Variants in CEP70 observed in about 807,000 individuals in gnomAD.
The protein encoded by CEP70 is centrosomal protein of 70 kDa.
In CEP70, 70 loss-of-function variants were observed where a neutral mutation model predicts 90.9. That is an observed-to-expected ratio of 0.77 (90% CI 0.64 to 0.94). CEP70 has a LOEUF of 0.94. Among genes scored for constraint, CEP70 ranks in the 40% least tolerant of loss-of-function variants. The probability of loss-of-function intolerance (pLI) is 0.00; values close to 1 mark genes in which losing one functional copy is unlikely to be tolerated. For synonymous variants in CEP70, 220 were observed against 228.3 expected (o/e 0.96, Z 0.33); for missense variants, 648 against 669.0 (o/e 0.97, Z 0.35).
chr3:138,587,346 A>G (rs2042153792), intron 2 of CEP70, among the ~76,000 whole-genome samples: 1 of 152,078 alleles, frequency 6.6e-6, no homozygotes, highest in Admixed American at 6.6e-5. Context: ...TAGGCAAAGA[A>G]GCTCAAACAT....
At chr3:138,554,872 G>C (rs541421986) in intron 6 of CEP70, among the ~76,000 whole-genome samples, 204 of 152,260 alleles carry the variant, frequency 1.3e-3, no homozygotes, top group African/African-American at 4.9e-3. Flanking sequence ...TTTGCTGACT[G>C]TTCCTTTTGC....
At chr3:138,574,119 G>A (rs764771169) in intron 2 of CEP70, among the ~76,000 whole-genome samples, 39 of 152,258 alleles carry the variant, frequency 2.6e-4, no homozygotes, top group Admixed American at 9.2e-4. Flanking sequence ...CACAAAGGGC[G>A]AGCCGAAGCA....
Position 138,505,444 on chromosome 3 carries a change from T to C in CEP70, c.1072A>G (p.Ile358Val), listed in dbSNP as rs768861630. The C allele has an allele frequency of 8.1e-6, 13 of 1,605,752 alleles. No homozygotes were observed. Among genetic ancestry groups the C allele is most frequent in the South Asian group, 3.4e-5 (3 of 89,450 alleles). Residue 358 changes from isoleucine to valine, a missense_variant, in exon 13 of 18, where the codon ATT becomes GTT. Coordinates refer to ENST00000264982, the MANE Select transcript of CEP70 (RefSeq NM_024491.4). ...ACTGGAGCTCTTGGATTGTGGATAA[T>C]TGAATTGATGCTACACAGCACCTTT... ...YFQVLCSINS[I>V]IHNPRAPVII...
At chr3:138,495,499 G>A (rs1432188850) in intron 17 of CEP70, among the ~76,000 whole-genome samples, 1 of 152,190 alleles carries the variant, frequency 6.6e-6, no homozygotes, top group African/African-American at 2.4e-5. Context: ...TCATAGAACA[G>A]TCTTGTCCTC....
At chr3:138,522,054 G>A (rs1378538902) in intron 11 of CEP70, among the ~76,000 whole-genome samples, 1 of 152,186 alleles carries the variant, frequency 6.6e-6, no homozygotes, top group African/African-American at 2.4e-5. Flanking sequence ...GGTGCAAGAT[G>A]TGCTTTGTTA....
intron 13 of CEP70, among the ~76,000 whole-genome samples, chr3:138,504,601 TA>T (rs2034811718): frequency 1.3e-5 from 2 of 152,322 alleles, no homozygotes; most frequent in Admixed American, 1.3e-4. Context: ...TAGTTACTAA[TA>T]AATCTAAAGT....
At position 138,571,393 on chromosome 3, in the gene CEP70, G is replaced by C. The variant is rs770099654; in HGVS notation, c.70-37C>G. ...GAAAGAGAAGAAAGGGTTAACTTTA[G>C]ATATAAAGTGAAGAAATTCTCTCAT... On this transcript the variant is annotated intron_variant, in intron 3 of 17. Transcript: ENST00000264982. 5 of 1,306,368 alleles carry C rather than the reference G, an allele frequency of 3.8e-6. No homozygotes were observed. In the South Asian group the frequency reaches 6.3e-5, roughly 16 times the overall value. The allele number at this position is 1,306,368 out of a possible 1,614,324, so 80.9% of individuals were successfully genotyped here.
At chr3:138,559,634 A>G (rs1432664497) in intron 6 of CEP70, among the ~76,000 whole-genome samples, 1 of 152,208 alleles carries the variant, frequency 6.6e-6, no homozygotes, top group Non-Finnish European at 1.5e-5. Context: ...CTGAGGTGGG[A>G]GGATCACTTG....
intron 2 of CEP70, among the ~76,000 whole-genome samples, chr3:138,575,863 T>C (rs200953023): frequency 4.7e-5 from 7 of 148,560 alleles, no homozygotes; most frequent in South Asian, 2.2e-4. Context: ...GCTTCATAAA[T>C]GAAGGAGAAA....
chr3:138,508,822 C>T (rs2035245651), intron 11 of CEP70, among the ~76,000 whole-genome samples: 1 of 151,866 alleles, frequency 6.6e-6, no homozygotes, highest in Non-Finnish European at 1.5e-5. Context: ...CAAGCTCCGT[C>T]TCCCGGGTTC....
chr3:138,505,188 A>G, intron 13 of CEP70, 107 bp downstream of exon 13: 1 of 889,200 alleles, frequency 1.1e-6, no homozygotes. Flanking sequence ...ACACACAAAC[A>G]AAAAAATTAA....
At chr3:138,550,119 C>A (rs555662269) in intron 6 of CEP70, among the ~76,000 whole-genome samples, 2 of 152,230 alleles carry the variant, frequency 1.3e-5, no homozygotes, top group South Asian at 4.1e-4. Flanking sequence ...GAGAAGGAAC[C>A]AGAAAAACAA....
At position 138,500,578 on chromosome 3, in the gene CEP70, AAG is replaced by A; in HGVS notation, c.1369-13_1369-12del. On this transcript the variant is annotated splice_polypyrimidine_tract_variant and intron_variant, in intron 14 of 17. Transcript: ENST00000264982. The stretch of plus-strand genomic sequence containing the variant: ...TGGCATATTGCTGTCCTGTCCAAAA[AAG>A]AGGTAAAAAAGAAAGAGTTCATTAT... The A allele has an allele frequency of 1.3e-6, 2 of 1,570,422 alleles. No individual in the cohort carries two copies. Among genetic ancestry groups the A allele is most frequent in the Non-Finnish European group, 1.7e-6 (2 of 1,167,800 alleles).
chr3:138,555,402 G>A (rs1483844859), intron 6 of CEP70, among the ~76,000 whole-genome samples: 2 of 152,028 alleles, frequency 1.3e-5, no homozygotes, highest in Non-Finnish European at 1.5e-5. Flanking sequence ...AAAAGCAAAT[G>A]AAACACAAAG....
chr3:138,542,161 C>T (rs2038821718), intron 6 of CEP70, among the ~76,000 whole-genome samples: 1 of 152,218 alleles, frequency 6.6e-6, no homozygotes, highest in South Asian at 2.1e-4. Flanking sequence ...GCTATGTGCA[C>T]AGCCAGGCAC....
At chr3:138,533,869 C>G (rs899399622) in intron 7 of CEP70, among the ~76,000 whole-genome samples, 6 of 152,082 alleles carry the variant, frequency 3.9e-5, no homozygotes, top group Non-Finnish European at 8.8e-5. Context: ...ACTGTAAGCT[C>G]CACCTTCCAG....
chr3:138,501,939 G>GA (rs1160365302), intron 13 of CEP70, among the ~76,000 whole-genome samples: 2 of 152,084 alleles, frequency 1.3e-5, no homozygotes, highest in African/African-American at 2.4e-5. Flanking sequence ...TCCAAAATCT[G>GA]AAAAAATTCT....
In CEP70 at chr3:138,580,990, A is replaced by C. The variant is rs553372326; in HGVS notation, c.-5-8058T>G. Among the ~76,000 whole-genome samples, 58 of 152,200 alleles carry C rather than the reference A, an allele frequency of 3.8e-4. No homozygotes were observed. The South Asian group carries it at 0.011, about 29-fold the overall frequency. On this transcript the variant is annotated intron_variant, in intron 2 of 17. Coordinates refer to ENST00000264982, the MANE Select transcript of CEP70 (RefSeq NM_024491.4). ...ACGGTCAGAGGAGACAAGAGAAAAA[A>C]GAATAAAAAACAGGCCGGGCATGGT...
chr3:138,541,589 G>A (rs2038772462), intron 6 of CEP70, among the ~76,000 whole-genome samples: 1 of 152,100 alleles, frequency 6.6e-6, no homozygotes, highest in East Asian at 1.9e-4. Flanking sequence ...GACACCACAT[G>A]CAAAAACAAA....
Sources: gnomAD v4.1 joint callset for allele counts (sites outside exome capture counted in the v4.1 genomes callset) on GRCh38, gnomAD v4.1.1 for gene constraint, MANE v1.5 for transcripts, NCBI Gene and HGNC (gene_info 2026-07-23, HGNC 2026-07-21) for gene names.